GDI2: variants seen among roughly 807,000 people sequenced by gnomAD.
The protein encoded by GDI2 is rab GDP dissociation inhibitor beta.
GDI2 carries 22 observed loss-of-function variants against 54.2 expected under a neutral mutation model. The observed-to-expected ratio is 0.41, with a 90% CI of 0.29 to 0.58. The LOEUF (loss-of-function observed/expected upper bound fraction) is 0.58, where lower values mean the gene tolerates loss of function less well. GDI2 is among the 20% of genes least tolerant of loss of function. GDI2 has a pLI of 0.35. For synonymous variants in GDI2, 177 were observed against 182.1 expected, an observed-to-expected ratio of 0.97 and a Z score of 0.23; for missense variants, 422 against 546.0, an observed-to-expected ratio of 0.77 and a Z score of 2.26.
intron 4 of GDI2, 108 bp downstream of exon 4, chr10:5,794,777 T>C (rs1841110604): frequency 5.3e-6 from 4 of 753,844 alleles, no homozygotes; most frequent in Admixed American, 2.3e-5. Context: ...ATGATAGACA[T>C]TCAATAAATA....
intron 4 of GDI2, among the ~76,000 whole-genome samples, chr10:5,789,104 CTTGAT>C (rs1257140051): frequency 6.6e-6 from 1 of 151,156 alleles, no homozygotes; most frequent in Non-Finnish European, 1.5e-5. Context: ...TTTTATTTTA[CTTGAT>C]TTTTTTTTTT....
At chr10:5,775,804 T>G (rs1840605826) in intron 6 of GDI2, among the ~76,000 whole-genome samples, 1 of 152,196 alleles carries the variant, frequency 6.6e-6, no homozygotes, top group African/African-American at 2.4e-5. Flanking sequence ...CGTTTAAGAA[T>G]AAGCAGAGGC....
At chr10:5,805,357 G>A (rs1236116737) in intron 1 of GDI2, among the ~76,000 whole-genome samples, 5 of 101,430 alleles carry the variant, frequency 4.9e-5, no homozygotes, top group Admixed American at 1.4e-4. Flanking sequence ...CTGAGAATTT[G>A]CTCTTTAAAA....
intron 1 of GDI2, chr10:5,811,854 G>C (rs1567707): frequency 0.37 from 265,728 of 725,330 alleles, 49,552 homozygotes; most frequent in Non-Finnish European, 0.38. Context: ...AGAAAAACAC[G>C]ATTCTAATTC....
chr10:5,809,552 G>C (rs115287723), intron 1 of GDI2, among the ~76,000 whole-genome samples: 1 of 152,060 alleles, frequency 6.6e-6, no homozygotes, highest in Non-Finnish European at 1.5e-5. Context: ...AGGTTTTCCT[G>C]ATTCCCTGAC....
intron 1 of GDI2, chr10:5,811,896 T>A (rs1203394471): frequency 8.8e-7 from 1 of 1,136,840 alleles, no homozygotes. Flanking sequence ...ATTAGCCAAA[T>A]AAAAGTTCGA....
At chr10:5,804,314 G>C (rs1477095495) in intron 1 of GDI2, among the ~76,000 whole-genome samples, 3 of 152,114 alleles carry the variant, frequency 2.0e-5, no homozygotes, top group East Asian at 1.9e-4. Flanking sequence ...GGTTGGTCTT[G>C]AACTCCTGGC....
At chr10:5,782,834 G>C (rs774533571) in intron 6 of GDI2, among the ~76,000 whole-genome samples, 12 of 152,316 alleles carry the variant, frequency 7.9e-5, no homozygotes, top group Non-Finnish European at 1.3e-4. Context: ...TTGGGAGGCT[G>C]AGGCAGGAGA....
Position 5,774,837 on chromosome 10 carries a change from G to A in GDI2, c.720-896C>T, listed in dbSNP as rs945128001. ...TTCTAAAATGGCCTTGTGCAGTCGC[G>A]GGACTATCCACATCAGAGGCAAATC... is the stretch of plus-strand genomic sequence containing the variant. On this transcript the variant is annotated intron_variant, in intron 6 of 10. Transcript: ENST00000380191. The surrounding 1 kb of genome is among the most constrained non-coding windows in gnomAD (Gnocchi z 4.8). Among the ~76,000 whole-genome samples the A allele has an allele frequency of 3.3e-5, 5 of 152,086 alleles. No homozygotes were observed. In the East Asian group the frequency reaches 5.8e-4, roughly 18 times the overall value.
chr10:5,781,909 A>C (rs543839396), intron 6 of GDI2, among the ~76,000 whole-genome samples: 1 of 152,286 alleles, frequency 6.6e-6, no homozygotes, highest in East Asian at 1.9e-4. Flanking sequence ...GCTACTCGGG[A>C]GGCTGAGGCA....
chr10:5,793,789 T>C (rs1841067954), intron 4 of GDI2, among the ~76,000 whole-genome samples: 1 of 152,096 alleles, frequency 6.6e-6, no homozygotes. Flanking sequence ...TGTTTGCTAT[T>C]TAAGAGAGAC....
chr10:5,772,368 T>A (rs951530061), intron 7 of GDI2, among the ~76,000 whole-genome samples: 2 of 152,222 alleles, frequency 1.3e-5, no homozygotes, highest in African/African-American at 4.8e-5. Context: ...GTAACTTCAT[T>A]TAAAGCAGAT....
chr10:5,797,796 A>C (rs1301553562), intron 2 of GDI2, among the ~76,000 whole-genome samples: 2 of 152,286 alleles, frequency 1.3e-5, no homozygotes, highest in East Asian at 3.9e-4. Flanking sequence ...AGTTCTCTAT[A>C]CGGACTGTAT....
rs116528702 is a variant in GDI2 at position 5,766,363 on chromosome 10, A to T, written c.1137-68T>A. 1.3e-3 allele frequency: 1,851 copies of T among 1,477,562 alleles called. 28 individuals are homozygous for T. In the African/African-American group the frequency reaches 0.022, roughly 18 times the overall value. The allele number at this position is 1,477,562 out of a possible 1,614,324, so 91.5% of individuals were successfully genotyped here. A position where few individuals can be genotyped will look rare whatever the true frequency, so the allele number is the denominator to read the frequency against. ...CTGACCATGGCTCTGCCTGAGGTCAACTGAGAGGTACAGATGAATCCCACA... is the reference window on the plus strand; with the variant it reads ...CTGACCATGGCTCTGCCTGAGGTCATCTGAGAGGTACAGATGAATCCCACA... On this transcript the variant is annotated intron_variant, in intron 9 of 10. Coordinates refer to ENST00000380191, the MANE Select transcript of GDI2 (RefSeq NM_001494.4). This position sits in a 1 kb window ranked among gnomAD's most constrained non-coding sequence, Gnocchi z 5.8.
intron 6 of GDI2, among the ~76,000 whole-genome samples, chr10:5,783,923 G>A (rs1840814526): frequency 6.6e-6 from 1 of 152,172 alleles, no homozygotes; most frequent in Admixed American, 6.6e-5. Flanking sequence ...CCTAGGTGAT[G>A]ATCTTTTTGT....
At chr10:5,785,485 C>G (rs1028492906) in intron 5 of GDI2, among the ~76,000 whole-genome samples, 1 of 152,158 alleles carries the variant, frequency 6.6e-6, no homozygotes, top group African/African-American at 2.4e-5. Context: ...AGTGATTCTT[C>G]TGCCTCAGCC....
intron 6 of GDI2, among the ~76,000 whole-genome samples, chr10:5,775,886 G>C (rs1840608356): frequency 6.6e-6 from 1 of 152,198 alleles, no homozygotes; most frequent in Admixed American, 6.5e-5. Flanking sequence ...CCGTGGAGCA[G>C]TGCTGGAGGA....
At chr10:5,782,829 A>C (rs961847941) in intron 6 of GDI2, among the ~76,000 whole-genome samples, 3 of 152,186 alleles carry the variant, frequency 2.0e-5, no homozygotes, top group African/African-American at 7.2e-5. Flanking sequence ...GCTCCTTGGG[A>C]GGCTGAGGCA....
chr10:5,797,638 CTGGGAGGTGGAGAATCACATGAA>C (rs1841178981), intron 2 of GDI2, among the ~76,000 whole-genome samples: 1 of 1,778 alleles, frequency 5.6e-4, no homozygotes, highest in Admixed American at 0.012. Context: ...TCACATGAAT[CTGGGAGGTGGAGAATCACATGAA>C]TCTGGGAGGT....
Sources: allele counts gnomAD v4.1 joint callset (sites outside exome capture counted in the v4.1 genomes callset), GRCh38; gene constraint gnomAD v4.1.1; non-coding constraint Gnocchi (gnomAD v3.1); transcripts MANE v1.5; gene names NCBI Gene and HGNC (gene_info 2026-07-23, HGNC 2026-07-21).